Variants in ARHGAP26 observed in about 807,000 individuals in gnomAD.
ARHGAP26 encodes Rho GTPase activating protein 26.
A neutral mutation model predicts 104.8 loss-of-function variants in ARHGAP26; 38 were observed. That is an observed-to-expected ratio of 0.36 (90% CI 0.28 to 0.48). ARHGAP26 has a LOEUF of 0.48. Ranked by LOEUF, ARHGAP26 falls within the 20% of genes least tolerant of loss-of-function variation. The pLI is 0.99. For synonymous variants in ARHGAP26, 341 were observed against 340.0 expected, an observed-to-expected ratio of 1.00 and a Z score of -0.03; for missense variants, 704 against 947.9, an observed-to-expected ratio of 0.74 and a Z score of 3.38.
rs543163115 is a variant in ARHGAP26 at position 143,105,333 on chromosome 5, G to A, written c.1539-15655G>A. 3.8e-4 allele frequency among the ~76,000 whole-genome samples: 57 copies of A among 151,592 alleles called. No individual in the cohort carries two copies. In the South Asian group the frequency reaches 5.0e-3, roughly 13 times the overall value. ...CGGAGGTTGTGTGAGCCAAGATTGC[G>A]CCATTGCACTCCAGCCTGGGCAACA... is the stretch of plus-strand genomic sequence containing the variant. On this transcript the variant is annotated intron_variant, in intron 17 of 22. Coordinates refer to ENST00000645722, the MANE Select transcript of ARHGAP26 (RefSeq NM_001135608.3).
chr5:143,101,943 T>G (rs1461537260), intron 17 of ARHGAP26, among the ~76,000 whole-genome samples: 1 of 152,016 alleles, frequency 6.6e-6, no homozygotes, highest in Non-Finnish European at 1.5e-5. Context: ...GGTTCTATTT[T>G]CCTTAGGGGC....
intron 19 of ARHGAP26, among the ~76,000 whole-genome samples, chr5:143,140,830 A>AT (rs1798428744): frequency 6.6e-6 from 1 of 152,088 alleles, no homozygotes; most frequent in East Asian, 1.9e-4. Flanking sequence ...GCTCTGAATA[A>AT]TTTTTTTAGT....
At chr5:142,841,895 G>T (rs6883314) in intron 1 of ARHGAP26, among the ~76,000 whole-genome samples, 24,303 of 152,110 alleles carry the variant, frequency 0.16, 3,027 homozygotes, top group African/African-American at 0.35. Flanking sequence ...GTTCATTGTG[G>T]CTACCTCTCC....
Position 143,190,443 on chromosome 5 carries a change from A to G in ARHGAP26, c.1989-16755A>G, listed in dbSNP as rs1805774601. 2.0e-5 allele frequency among the ~76,000 whole-genome samples: 3 copies of G among 152,338 alleles called. No individual in the cohort carries two copies. The South Asian group carries it at 6.2e-4, about 32-fold the overall frequency. ...ACATAAGAGGGAGGCTCTGTGCGCC[A>G]TGGTGGCTAGATATACATTGAATTT... On this transcript the variant is annotated intron_variant, in intron 20 of 22. Transcript: ENST00000645722.
chr5:143,000,407 G>T (rs1213059730), intron 11 of ARHGAP26, among the ~76,000 whole-genome samples: 2 of 152,158 alleles, frequency 1.3e-5, no homozygotes, highest in Non-Finnish European at 2.9e-5. Flanking sequence ...TAAAACTATG[G>T]TATATTCAAA....
At chr5:143,213,200 C>A (rs1809787083) in intron 21 of ARHGAP26, among the ~76,000 whole-genome samples, 1 of 152,284 alleles carries the variant, frequency 6.6e-6, no homozygotes, top group East Asian at 1.9e-4. Flanking sequence ...CTGGGTAGAA[C>A]CTAGACATCT....
At chr5:143,114,207 G>A (rs1599074103) in intron 17 of ARHGAP26, among the ~76,000 whole-genome samples, 1 of 152,170 alleles carries the variant, frequency 6.6e-6, no homozygotes, top group Non-Finnish European at 1.5e-5. Context: ...TGGTGAGCCA[G>A]GCCTCAGTCA....
intron 1 of ARHGAP26, among the ~76,000 whole-genome samples, chr5:142,780,654 G>A (rs1469691101): frequency 6.6e-6 from 1 of 152,248 alleles, no homozygotes; most frequent in Non-Finnish European, 1.5e-5. Flanking sequence ...TCAGTTGAAT[G>A]TAGGATCCCA....
chr5:143,157,273 T>A (rs1800598248), intron 20 of ARHGAP26, among the ~76,000 whole-genome samples: 2 of 150,710 alleles, frequency 1.3e-5, no homozygotes, highest in African/African-American at 4.9e-5. Flanking sequence ...ACATCCTGGG[T>A]TCAAGCAATT....
At chr5:143,065,360 C>T (rs1030201842) in intron 17 of ARHGAP26, among the ~76,000 whole-genome samples, 10 of 152,064 alleles carry the variant, frequency 6.6e-5, no homozygotes, top group African/African-American at 1.9e-4. Flanking sequence ...GTGTTATCTG[C>T]GATACTTATG....
intron 10 of ARHGAP26, among the ~76,000 whole-genome samples, chr5:142,928,672 C>T (rs1764265831): frequency 6.6e-6 from 1 of 152,194 alleles, no homozygotes; most frequent in Admixed American, 6.5e-5. Context: ...CTTAACCTCT[C>T]TGAGCCTTGG....
At chr5:143,105,082 A>G (rs1229729309) in intron 17 of ARHGAP26, among the ~76,000 whole-genome samples, 2 of 152,222 alleles carry the variant, frequency 1.3e-5, no homozygotes, top group African/African-American at 4.8e-5. Context: ...CTATTTAAAA[A>G]TAGGCCTAAT....
In ARHGAP26 at chr5:142,841,485, A is replaced by G. The variant is rs561819884; in HGVS notation, c.155-31915A>G. Among the ~76,000 whole-genome samples, 71 of 152,284 alleles carry G rather than the reference A, an allele frequency of 4.7e-4. No individual in the cohort carries two copies. The South Asian group carries it at 4.8e-3, about 10-fold the overall frequency. ...TGCAGCGGTTCCTGCAGTGTATTGA[A>G]TCCTTGGAGCCTTCACATTGAATAA... On this transcript the variant is annotated intron_variant, in intron 1 of 22. Coordinates refer to ENST00000645722, the MANE Select transcript of ARHGAP26 (RefSeq NM_001135608.3).
intron 1 of ARHGAP26, among the ~76,000 whole-genome samples, chr5:142,857,258 G>A (rs995738160): frequency 6.6e-6 from 1 of 152,206 alleles, no homozygotes; most frequent in Admixed American, 6.5e-5. Context: ...GTTCCGGGTA[G>A]ACATCAATTT....
chr5:143,016,986 T>C (rs574549467), intron 12 of ARHGAP26, among the ~76,000 whole-genome samples: 26 of 152,164 alleles, frequency 1.7e-4, no homozygotes, highest in Non-Finnish European at 3.7e-4. Context: ...ATGCTCTGGG[T>C]CTTGATTGTT....
chr5:142,954,688 G>A (rs1347884788), intron 11 of ARHGAP26, among the ~76,000 whole-genome samples: 1 of 152,206 alleles, frequency 6.6e-6, no homozygotes, highest in Non-Finnish European at 1.5e-5. Context: ...TGTTGTATAA[G>A]CATATGAAAC....
intron 11 of ARHGAP26, among the ~76,000 whole-genome samples, chr5:142,994,707 A>G (rs1397866477): frequency 1.3e-5 from 2 of 152,190 alleles, no homozygotes; most frequent in Non-Finnish European, 1.5e-5. Flanking sequence ...CACTGAGATA[A>G]AAGTGATGCC....
intron 11 of ARHGAP26, 69 bp downstream of exon 11, chr5:142,932,194 G>GCAAAAATCACTGCAC: frequency 6.9e-7 from 1 of 1,445,674 alleles, no homozygotes; most frequent in Non-Finnish European, 9.7e-7. Flanking sequence ...CCCTAGTGCA[G>GCAAAAATCACTGCAC]TGATTTTTGC....
At chr5:142,795,713 T>G (rs963161383) in intron 1 of ARHGAP26, among the ~76,000 whole-genome samples, 1 of 152,194 alleles carries the variant, frequency 6.6e-6, no homozygotes, top group Admixed American at 6.5e-5. Flanking sequence ...TTTTCCAGTT[T>G]GAAAAGAGAG....
Sources: allele counts gnomAD v4.1 joint callset (sites outside exome capture counted in the v4.1 genomes callset), GRCh38; gene constraint gnomAD v4.1.1; transcripts MANE v1.5; gene names NCBI Gene and HGNC (gene_info 2026-07-23, HGNC 2026-07-21).